Variants in NKTR observed in about 807,000 individuals in gnomAD.
NKTR encodes NK-tumor recognition protein.
A neutral mutation model predicts 156.3 loss-of-function variants in NKTR; 67 were observed. That is an observed-to-expected ratio of 0.43 (90% CI 0.35 to 0.53). NKTR has a LOEUF of 0.53. Ranked by LOEUF, NKTR falls within the 20% of genes least tolerant of loss-of-function variation. The pLI, the probability that NKTR is intolerant of heterozygous loss-of-function variation, is 0.01. For missense variants in NKTR, 1,604 were observed against 1,730.9 expected, an observed-to-expected ratio of 0.93 and a Z score of 1.30; for synonymous variants, 640 against 596.6, an observed-to-expected ratio of 1.07 and a Z score of -1.06.
At chr3:42,604,450 C>T (rs1027379473) in intron 2 of NKTR, among the ~76,000 whole-genome samples, 2 of 151,436 alleles carry the variant, frequency 1.3e-5, no homozygotes, top group Non-Finnish European at 2.9e-5. Context: ...CACATGATTT[C>T]CGTTCTTTGT....
chr3:42,637,487 G>A lies in NKTR; in HGVS notation c.1783G>A (p.Val595Ile), dbSNP rs766508544. 1.2e-6 allele frequency: 2 copies of A among 1,613,842 alleles called. No individual in the cohort carries two copies. The highest frequency in any genetic ancestry group is 4.5e-5 in the East Asian group (2 of 44,884). Residue 595 changes from valine (V) to isoleucine (I), a missense_variant, in exon 13 of 17, where the codon GTA becomes ATA. This residue lies in a region of NKTR where 1,255 missense variants were observed against 1,243.7 expected (regional missense o/e 1.01). Coordinates refer to ENST00000232978, the MANE Select transcript of NKTR (RefSeq NM_005385.4). Reference protein sequence around the residue: ...LRATMAQNENVVVQPVVAENI... With the variant: ...LRATMAQNENIVVQPVVAENI... Reference sequence around the variant, plus strand: ...AGCAACCATGGCACAAAATGAAAATGTAGTAGTACAACCAGTTGTAGCAGA... The same window carrying A: ...AGCAACCATGGCACAAAATGAAAATATAGTAGTACAACCAGTTGTAGCAGA...
chr3:42,626,621 G>T (rs563002305), intron 6 of NKTR, among the ~76,000 whole-genome samples: 1 of 152,076 alleles, frequency 6.6e-6, no homozygotes, highest in South Asian at 2.1e-4. Flanking sequence ...ACTAGGGTCC[G>T]AACATTTGCT....
chr3:42,600,763 G>A lies in NKTR; in HGVS notation c.-39G>A. 2.8e-6 allele frequency: 1 copy of A among 361,086 alleles called. No homozygotes were observed. The allele number at this position is 361,086 out of a possible 1,614,324, so 22.4% of individuals were successfully genotyped here. ...CTTCTGCTCACGGGGACCCGCTCAG[G>A]CTGGAGGCCAGCCAGGTGAAGAGCT... is the stretch of plus-strand genomic sequence containing the variant. On this transcript the variant is annotated 5_prime_UTR_variant, in exon 1 of 17. Transcript: ENST00000232978.
Position 42,638,123 on chromosome 3 carries a change from T to G in NKTR, c.2419T>G (p.Tyr807Asp), listed in dbSNP as rs781184624. 42 of 1,613,930 alleles carry G rather than the reference T, an allele frequency of 2.6e-5. No individual in the cohort carries two copies. Among genetic ancestry groups the G allele is most frequent in the Admixed American group, 3.3e-5 (2 of 59,974 alleles). Reference sequence around the variant, plus strand: ...TAGCGAGAGCAGATCATCTTTAGATTATTCTTCAGACAGTGAGCAGTCAAG... The same window carrying G: ...TAGCGAGAGCAGATCATCTTTAGATGATTCTTCAGACAGTGAGCAGTCAAG... ...KYSESRSSLD[Y>D]SSDSEQSSVQ... The change falls in exon 13 of 17, where the codon TAT (tyrosine) becomes GAT (aspartate). Residue 807 changes from tyrosine to aspartate, a missense_variant. Physicochemically the swap from Tyr to Asp is radical, Grantham distance 160 (BLOSUM62 -3). Transcript: ENST00000232978.
chr3:42,627,901 A>AT (rs1467980149), intron 6 of NKTR: 5 of 984,954 alleles, frequency 5.1e-6, no homozygotes, highest in Non-Finnish European at 6.0e-6. Flanking sequence ...TTAATTGAAG[A>AT]TTTTGAAAGA....
At chr3:42,611,526 G>A (rs963271264) in intron 2 of NKTR, among the ~76,000 whole-genome samples, 5 of 152,042 alleles carry the variant, frequency 3.3e-5, no homozygotes, top group African/African-American at 1.2e-4. Flanking sequence ...AAGGTTAGGA[G>A]TTCAAGACAA....
intron 12 of NKTR, among the ~76,000 whole-genome samples, chr3:42,635,691 A>G (rs1709334760): frequency 6.6e-6 from 1 of 151,756 alleles, no homozygotes; most frequent in Non-Finnish European, 1.5e-5. Context: ...AGGCCGAGGC[A>G]GGCGGATCAC....
In NKTR at chr3:42,630,422, C is replaced by T. The variant is rs1021367163; in HGVS notation, c.375-124C>T. On this transcript the variant is annotated intron_variant, in intron 6 of 16. Transcript: ENST00000232978. ...AAGGTTAGATATATATCATGTTTAACTTTTTCCCCTATCTTTTTATCTTTA... is the reference window on the plus strand; with the variant it reads ...AAGGTTAGATATATATCATGTTTAATTTTTTCCCCTATCTTTTTATCTTTA... The T allele has an allele frequency of 2.6e-6, 4 of 1,526,880 alleles. No individual in the cohort carries two copies. In the African/African-American group the frequency reaches 4.2e-5, roughly 16 times the overall value. The allele number at this position is 1,526,880 out of a possible 1,614,324, so 94.6% of individuals were successfully genotyped here.
At chr3:42,609,590 A>G (rs1421708524) in intron 2 of NKTR, among the ~76,000 whole-genome samples, 1 of 152,090 alleles carries the variant, frequency 6.6e-6, no homozygotes, top group Non-Finnish European at 1.5e-5. Context: ...AAGTTCCCTC[A>G]GAAATCTCAC....
chr3:42,635,335 C>T lies in NKTR; in HGVS notation c.1132C>T (p.Pro378Ser), dbSNP rs1374063102. ...GCAGAGATTAAGAGCATATAGACCACCTAGTGGAGAAAAATGGAGTAAAGG... is the reference window on the plus strand; with the variant it reads ...GCAGAGATTAAGAGCATATAGACCATCTAGTGGAGAAAAATGGAGTAAAGG... ...EMQRLRAYRP[P>S]SGEKWSKGDK... The change falls in exon 12 of 17, where the codon CCT (proline) becomes TCT (serine). Residue 378 changes from proline to serine, a missense_variant. Pro to Ser is a moderately conservative substitution (Grantham distance 74, BLOSUM62 -1). Transcript: ENST00000232978. 1.2e-6 allele frequency: 2 copies of T among 1,611,534 alleles called. No individual in the cohort carries two copies. Among genetic ancestry groups the T allele is most frequent in the Admixed American group, 1.7e-5 (1 of 59,594 alleles).
At chr3:42,614,254 T>C (rs1251012253) in intron 2 of NKTR, among the ~76,000 whole-genome samples, 1 of 152,232 alleles carries the variant, frequency 6.6e-6, no homozygotes, top group Non-Finnish European at 1.5e-5. Flanking sequence ...ATGGGGTTAC[T>C]GTCACACTTA....
chr3:42,600,939 C>T (rs1336116662), intron 1 of NKTR, 45 bp from the exon 2 acceptor site: 14 of 1,254,824 alleles, frequency 1.1e-5, no homozygotes, highest in East Asian at 3.1e-5. Context: ...CCCTCGCCCC[C>T]GCCCTCGCCC....
chr3:42,641,136 C>G (rs1289929920), intron 13 of NKTR, among the ~76,000 whole-genome samples: 8 of 152,170 alleles, frequency 5.3e-5, no homozygotes, highest in South Asian at 2.1e-4. Flanking sequence ...TGCCCTGCCT[C>G]CCTGTTTTGG....
At chr3:42,606,611 T>C (rs1706260675) in intron 2 of NKTR, among the ~76,000 whole-genome samples, 1 of 152,260 alleles carries the variant, frequency 6.6e-6, no homozygotes, top group African/African-American at 2.4e-5. Flanking sequence ...TGAAGCCTGA[T>C]TCTTAATTCA....
Position 42,637,977 on chromosome 3 carries a change from G to A in NKTR, c.2273G>A (p.Arg758Lys). ...SSDDGRRAKR[R>K]LRSSGKKNSV... ...GATGATGGAAGGCGAGCTAAGAGGA[G>A]ACTTAGATCCAGTGGGAAAAAAAAT... Residue 758 changes from arginine (R) to lysine (K), a missense_variant, in exon 13 of 17, where the codon AGA (arginine) becomes AAA (lysine). Around this residue, in one of 6 missense-constraint regions of NKTR, gnomAD observed 1,255 missense variants for 1,243.7 expected, o/e 1.01. Transcript: ENST00000232978. 1 of 1,614,018 alleles carries A rather than the reference G, an allele frequency of 6.2e-7. No individual in the cohort carries two copies.
In NKTR at chr3:42,607,969, C is replaced by CTTTTTTTTTTTTTTTTT. The variant is rs201803926; in HGVS notation, c.58+6932_58+6948dup. Among the ~76,000 whole-genome samples, 22 of 74,960 alleles carry CTTTTTTTTTTTTTTTTT rather than the reference C, an allele frequency of 2.9e-4. 1 individual carries two copies. Among genetic ancestry groups the CTTTTTTTTTTTTTTTTT allele is most frequent in the South Asian group, 4.7e-4 (1 of 2,140 alleles). 49.2% of individuals were successfully genotyped at this position (74,960 alleles called of 152,430 possible). On this transcript the variant is annotated intron_variant, in intron 2 of 16. Coordinates refer to ENST00000232978, the MANE Select transcript of NKTR (RefSeq NM_005385.4). ...TGCCAATCGCAAGTCCTGAGTCGCT[C>CTTTTTTTTTTTTTTTTT]TTTTTTTTTTTTTTTTTTTTTTTTT...
intron 2 of NKTR, among the ~76,000 whole-genome samples, chr3:42,614,749 A>G (rs1485222976): frequency 2.0e-5 from 3 of 152,142 alleles, no homozygotes; most frequent in African/African-American, 7.2e-5. Context: ...TTGCATATAT[A>G]CTAGCATTTT....
chr3:42,630,918 T>C (rs1708838002), intron 7 of NKTR: 2 of 1,379,752 alleles, frequency 1.4e-6, no homozygotes, highest in South Asian at 3.7e-5. Flanking sequence ...ATCTGAATGT[T>C]ACCAGACTCT....
intron 2 of NKTR, among the ~76,000 whole-genome samples, chr3:42,605,583 G>T (rs563397888): frequency 3.3e-5 from 5 of 152,266 alleles, no homozygotes; most frequent in African/African-American, 1.2e-4. Flanking sequence ...AAGCTAACAG[G>T]ACAGGAAAAT....
Sources: allele counts gnomAD v4.1 joint callset (sites outside exome capture counted in the v4.1 genomes callset), GRCh38; gene constraint gnomAD v4.1.1; regional missense constraint gnomAD v4.1.1; transcripts MANE v1.5; gene names NCBI Gene and HGNC (gene_info 2026-07-23, HGNC 2026-07-21).